The following MAT1A variants were observed in gnomAD, a reference collection of about 807,000 sequenced individuals.
MAT1A encodes the protein S-adenosylmethionine synthase isoform type-1.
In MAT1A, 19 loss-of-function variants were observed where a neutral mutation model predicts 44.0. The observed-to-expected ratio is 0.43, with a 90% CI of 0.30 to 0.63. The LOEUF (loss-of-function observed/expected upper bound fraction) is 0.63. Ranked by LOEUF, MAT1A falls within the 30% of genes least tolerant of loss-of-function variation. The probability of loss-of-function intolerance (pLI) is 0.12; values close to 1 mark genes in which losing one functional copy is unlikely to be tolerated. For missense variants in MAT1A, 397 were observed against 531.0 expected, an observed-to-expected ratio of 0.75 and a Z score of 2.48; for synonymous variants, 205 against 205.6, an observed-to-expected ratio of 1.00 and a Z score of 0.03.
chr10:80,276,466 G>GACTT lies in MAT1A; in HGVS notation c.674_677dup (p.Ile227SerfsTer40). 1 of 1,614,214 alleles carries GACTT rather than the reference G, an allele frequency of 6.2e-7. No individual in the cohort carries two copies. Among genetic ancestry groups the GACTT allele is most frequent in the Non-Finnish European group, 8.5e-7 (1 of 1,180,052 alleles). On this transcript the variant is annotated frameshift_variant, in exon 6 of 9. Coordinates refer to ENST00000372213, the MANE Select transcript of MAT1A (RefSeq NM_000429.3). LOFTEE classifies it high-confidence loss of function. ...ACTTGGCCGGCACCACGGCCCTGAT[G>GACTT]ACTTGCTCCTTCAGGGCCCTGCGCA...
At chr10:80,287,796 C>T (rs897623883) in intron 1 of MAT1A, among the ~76,000 whole-genome samples, 3 of 152,182 alleles carry the variant, frequency 2.0e-5, no homozygotes, top group Non-Finnish European at 2.9e-5. Context: ...ATGAAAGAGG[C>T]TATTTACATT....
chr10:80,275,156 T>A lies in MAT1A; in HGVS notation c.812A>T (p.Tyr271Phe), dbSNP rs1841469345. The change falls in exon 7 of 9, where the codon TAT (tyrosine) becomes TTT (phenylalanine). Residue 271 changes from tyrosine (Y) to phenylalanine (F), a missense_variant. Physicochemically the swap from Tyr to Phe is conservative, Grantham distance 22. Coordinates refer to ENST00000372213, the MANE Select transcript of MAT1A (RefSeq NM_000429.3). ...ACCACCATGAGCCCCCCAGCCGCCA[T>A]AGGTGTCCACAATAATCTTACGGCC... Reference protein sequence around the residue: ...VTGRKIIVDTYGGWGAHGGGA... With the variant: ...VTGRKIIVDTFGGWGAHGGGA... 2 of 1,613,628 alleles carry A rather than the reference T, an allele frequency of 1.2e-6. No homozygotes were observed. Among genetic ancestry groups the A allele is most frequent in the East Asian group, 4.5e-5 (2 of 44,876 alleles).
intron 8 of MAT1A, among the ~76,000 whole-genome samples, chr10:80,274,154 G>A (rs1441178449): frequency 6.6e-6 from 1 of 152,208 alleles, no homozygotes; most frequent in African/African-American, 2.4e-5. Flanking sequence ...CCTGGCCCAG[G>A]CCAATGTTGA....
At chr10:80,280,490 G>A (rs936451825) in intron 4 of MAT1A, among the ~76,000 whole-genome samples, 174 bp from the exon 5 acceptor site, 1 of 152,158 alleles carries the variant, frequency 6.6e-6, no homozygotes, top group African/African-American at 2.4e-5. Context: ...CACTCTAGGA[G>A]GGGGAGACAA....
At position 80,276,535 on chromosome 10, in the gene MAT1A, G is replaced by T. The variant is rs748120797; in HGVS notation, c.609C>A (p.Ile203=). Residue 203 remains isoleucine (I), a synonymous_variant, in exon 6 of 9, where the codon ATC becomes ATA. Coordinates refer to ENST00000372213, the MANE Select transcript of MAT1A (RefSeq NM_000429.3). ...CTTCGTTGTGCTGCACAGAGATGAC[G>T]ATGGTGTGGATGCGCACAGGGATGA... ...GAVIPVRIHT[I]VISVQHNEDI... 6.2e-7 allele frequency: 1 copy of T among 1,613,942 alleles called. No individual in the cohort carries two copies. The highest frequency in any genetic ancestry group is 8.5e-7 in the Non-Finnish European group (1 of 1,180,038).
At chr10:80,278,249 G>A (rs570492516) in intron 5 of MAT1A, among the ~76,000 whole-genome samples, 13 of 152,274 alleles carry the variant, frequency 8.5e-5, no homozygotes, top group Admixed American at 3.9e-4. Flanking sequence ...ACCCCTAAAA[G>A]AGCCCATCCC....
rs1190869431 is a variant in MAT1A at position 80,276,538 on chromosome 10, G to A, written c.606C>T (p.Thr202=). ...CGTTGTGCTGCACAGAGATGACGATGGTGTGGATGCGCACAGGGATGACTG... is the reference window on the plus strand; with the variant it reads ...CGTTGTGCTGCACAGAGATGACGATAGTGTGGATGCGCACAGGGATGACTG... ...NGAVIPVRIH[T]IVISVQHNED... The change falls in exon 6 of 9, where the codon ACC becomes ACT. Residue 202 remains threonine (T), a synonymous_variant. Coordinates refer to ENST00000372213, the MANE Select transcript of MAT1A (RefSeq NM_000429.3). 1.2e-6 allele frequency: 2 copies of A among 1,613,990 alleles called. No individual in the cohort carries two copies. Among genetic ancestry groups the A allele is most frequent in the East Asian group, 4.5e-5 (2 of 44,886 alleles).
chr10:80,280,604 C>G, intron 4 of MAT1A, 76 bp downstream of exon 4: 5 of 1,281,260 alleles, frequency 3.9e-6, no homozygotes, highest in Non-Finnish European at 5.7e-6. Context: ...ATCCACCCCT[C>G]AGTGTGATTA....
chr10:80,273,932 G>A (rs1397447301), intron 8 of MAT1A, 49 bp from the exon 9 acceptor site: 1 of 1,315,990 alleles, frequency 7.6e-7, no homozygotes, highest in East Asian at 2.3e-5. Flanking sequence ...AACAGGAGCA[G>A]GGTTTCTTTC....
rs1426988368 is a variant in MAT1A, at chr10:80,287,163, CA to C, written c.92-1575del. ...GTGAATGTCTCTGCCTGTGCAGACA[CA>C]GCTCACAGGCTCCCACTCTGCCTAG... On this transcript the variant is annotated intron_variant, in intron 1 of 8. Coordinates refer to ENST00000372213, the MANE Select transcript of MAT1A (RefSeq NM_000429.3). Among the ~76,000 whole-genome samples the C allele has an allele frequency of 2.0e-5, 3 of 152,196 alleles. No homozygotes were observed. In the East Asian group the frequency reaches 5.8e-4, roughly 29 times the overall value.
rs774297257 is a variant in MAT1A at position 80,273,781 on chromosome 10, C to T, written c.1188G>A (p.Ter396=). ...PWEVPRKLVF[*] ...AGACCAGGCCCAGCTCCCCCTGGCT[C>T]TAAAATACAAGCTTCCTGGGAACCT... Residue 396 remains the stop codon, a stop_retained_variant, in exon 9 of 9, where the codon TAG becomes TAA. Transcript: ENST00000372213. 3.1e-6 allele frequency: 5 copies of T among 1,609,854 alleles called. No individual in the cohort carries two copies. Among genetic ancestry groups the T allele is most frequent in the Admixed American group, 1.7e-5 (1 of 60,014 alleles).
At chr10:80,274,075 A>G (rs2132700791) in intron 8 of MAT1A, among the ~76,000 whole-genome samples, 192 bp from the exon 9 acceptor site, 1 of 152,232 alleles carries the variant, frequency 6.6e-6, no homozygotes, top group Admixed American at 6.5e-5. Context: ...AGCCCCACGG[A>G]TGCTTAGAGG....
rs1228074336 is a variant in MAT1A, at chr10:80,275,222, A to G, written c.769-23T>C. On this transcript the variant is annotated intron_variant, in intron 6 of 8. Transcript: ENST00000372213. ...CCCCTGCAGAGGGAGAGAAATCAAG[A>G]TAAGAAGCAGAGCCAGCCCCTAGAT... 15 of 1,604,622 alleles carry G rather than the reference A, an allele frequency of 9.3e-6. No individual in the cohort carries two copies. In the African/African-American group the frequency reaches 1.2e-4, roughly 13 times the overall value.
intron 2 of MAT1A, among the ~76,000 whole-genome samples, chr10:80,285,123 G>A (rs955358384): frequency 6.6e-6 from 1 of 152,184 alleles, no homozygotes; most frequent in Non-Finnish European, 1.5e-5. Context: ...TGAGGATGCA[G>A]CTTATAACCA....
chr10:80,287,433 A>C lies in MAT1A; in HGVS notation c.92-1844T>G, dbSNP rs140971761. On this transcript the variant is annotated intron_variant, in intron 1 of 8. Coordinates refer to ENST00000372213, the MANE Select transcript of MAT1A (RefSeq NM_000429.3). ...AATTCAGCAATGGAATGACAAGCAGAAAGTCACCTAGCCTCCATGGAAACT... is the reference window on the plus strand; with the variant it reads ...AATTCAGCAATGGAATGACAAGCAGCAAGTCACCTAGCCTCCATGGAAACT... Among the ~76,000 whole-genome samples the C allele has an allele frequency of 2.6e-5, 4 of 152,360 alleles. No homozygotes were observed. In the East Asian group the frequency reaches 5.8e-4, roughly 22 times the overall value.
Position 80,285,494 on chromosome 10 carries a change from G to T in MAT1A, c.169+18C>A, listed in dbSNP as rs556092224. 5.0e-6 allele frequency: 8 copies of T among 1,610,714 alleles called. No individual in the cohort carries two copies. In the South Asian group the frequency reaches 7.7e-5, roughly 15 times the overall value. On this transcript the variant is annotated intron_variant, in intron 2 of 8. Transcript: ENST00000372213. ...GCCCACTTAGGTCTCCAGCAGGGAG[G>T]GATCGGGTGTTTCTTACCACAGGCC...
Sources: gnomAD v4.1 joint callset for allele counts (sites outside exome capture counted in the v4.1 genomes callset) on GRCh38, gnomAD v4.1.1 for gene constraint, MANE v1.5 for transcripts, NCBI Gene and HGNC (gene_info 2026-07-23, HGNC 2026-07-21) for gene names.